ZFHX3: variants seen among roughly 807,000 people sequenced by gnomAD.
ZFHX3 encodes the protein zinc finger homeobox 3.
A neutral mutation model predicts 279.1 loss-of-function variants in ZFHX3; 42 were observed. The observed-to-expected ratio is 0.15, with a 90% CI of 0.12 to 0.19. The LOEUF is 0.19. Among genes scored for constraint, ZFHX3 ranks in the 10% least tolerant of loss-of-function variants. ZFHX3 has a pLI of 1.00. For synonymous variants in ZFHX3, 2,293 were observed against 1,957.8 expected (o/e 1.17, Z -4.52); for missense variants, 4,981 against 4,754.0 (o/e 1.05, Z -1.40).
chr16:73,434,610 GT>G (rs11300899), intron 3 of ZFHX3, among the ~76,000 whole-genome samples: 135,710 of 151,316 alleles, frequency 0.9, 60,851 homozygotes, highest in East Asian at 0.97. Flanking sequence ...TATGGATGGT[GT>G]TTTTTTTTTG....
In ZFHX3 at chr16:73,551,749, C is replaced by G. The variant is rs1045682361; in HGVS notation, c.-1546-95491G>C. Among the ~76,000 whole-genome samples, 9 of 152,314 alleles carry G rather than the reference C, an allele frequency of 5.9e-5. No homozygotes were observed. In the East Asian group the frequency reaches 1.7e-3, roughly 29 times the overall value. Reference sequence around the variant, plus strand: ...CTGGATAAATTAGAACATGTACCCACAGCCCACTTGATTACATCCTGTCCC... The same window carrying G: ...CTGGATAAATTAGAACATGTACCCAGAGCCCACTTGATTACATCCTGTCCC... On this transcript the variant is annotated intron_variant, in intron 2 of 17. Coordinates refer to the ZFHX3 transcript ENST00000641206.
chr16:73,159,567 G>A (rs1967177489), intron 5 of ZFHX3, among the ~76,000 whole-genome samples: 2 of 152,134 alleles, frequency 1.3e-5, no homozygotes, highest in South Asian at 4.2e-4. Context: ...GGCCACCAAA[G>A]GGAGGCCATT....
intron 1 of ZFHX3, among the ~76,000 whole-genome samples, chr16:72,971,023 G>A (rs1411228638): frequency 6.6e-6 from 1 of 152,182 alleles, no homozygotes; most frequent in Non-Finnish European, 1.5e-5. Context: ...ACCACTGGTA[G>A]GTAGTTTTTC....
intron 5 of ZFHX3, among the ~76,000 whole-genome samples, chr16:72,813,408 A>G (rs569043928): frequency 2.1e-4 from 32 of 152,238 alleles, no homozygotes; most frequent in Non-Finnish European, 3.7e-4. Flanking sequence ...TTACTTTAAT[A>G]AACAATTTTA....
intron 1 of ZFHX3, among the ~76,000 whole-genome samples, chr16:73,798,285 C>A (rs753526828): frequency 6.6e-6 from 1 of 151,366 alleles, no homozygotes; most frequent in Non-Finnish European, 1.5e-5. Flanking sequence ...GGTGGGGAGG[C>A]GGAATTCTCT....
chr16:72,822,418 C>T (rs1295696181), intron 5 of ZFHX3, among the ~76,000 whole-genome samples: 1 of 152,190 alleles, frequency 6.6e-6, no homozygotes, highest in East Asian at 1.9e-4. Context: ...CACCCGAGTT[C>T]CCAATCTGTG....
At chr16:73,720,184 C>T (rs1200002756) in intron 1 of ZFHX3, among the ~76,000 whole-genome samples, 1 of 152,198 alleles carries the variant, frequency 6.6e-6, no homozygotes, top group Non-Finnish European at 1.5e-5. Flanking sequence ...ACGACAATCT[C>T]TAGTGTGGAA....
chr16:73,222,232 C>T (rs546997155), intron 5 of ZFHX3, among the ~76,000 whole-genome samples: 1 of 152,054 alleles, frequency 6.6e-6, no homozygotes, highest in East Asian at 1.9e-4. Context: ...CAAAATTGTG[C>T]ATTTAAAGCA....
chr16:73,627,252 G>A (rs2142143410), intron 2 of ZFHX3, among the ~76,000 whole-genome samples: 1 of 152,294 alleles, frequency 6.6e-6, no homozygotes, highest in South Asian at 2.1e-4. Context: ...TTAGAACTTG[G>A]GGACAGAGAG....
chr16:72,976,534 A>C (rs1962355016), intron 1 of ZFHX3, among the ~76,000 whole-genome samples: 1 of 152,208 alleles, frequency 6.6e-6, no homozygotes, highest in African/African-American at 2.4e-5. Context: ...CTGTCGATAC[A>C]GACTCCTACG....
chr16:73,682,992 AAAGAAAGAAAGAAAGAAAG>A (rs202043428), intron 1 of ZFHX3, among the ~76,000 whole-genome samples: 6,071 of 18,398 alleles, frequency 0.33, 628 homozygotes, highest in East Asian at 0.48. Context: ...GAAAGAAAGA[AAAGAAAGAAAGAAAGAAAG>A]AGAAAGGAGG....
chr16:72,998,778 TTAACAATTA>T (rs1174537950), intron 1 of ZFHX3, among the ~76,000 whole-genome samples: 1 of 152,208 alleles, frequency 6.6e-6, no homozygotes, highest in Non-Finnish European at 1.5e-5. Flanking sequence ...TCCCACGGCA[TTAACAATTA>T]TATTTGGGTG....
rs758029895 is a variant in ZFHX3 at position 72,788,624 on chromosome 16, G to T, written c.9652C>A (p.Pro3218Thr). The T allele has an allele frequency of 9.3e-6, 15 of 1,613,164 alleles. No homozygotes were observed. The South Asian group carries it at 1.6e-4, about 18-fold the overall frequency. ...AGTGGGAGCTGTGGTGTGGGTGGCGGCTGGGCTGCTGGCGGCGGGGGAGGC... is the reference window on the plus strand; with the variant it reads ...AGTGGGAGCTGTGGTGTGGGTGGCGTCTGGGCTGCTGGCGGCGGGGGAGGC... ...QQPPPPPAAQ[P>T]PPTPQLPLQQ... Residue 3218 changes from proline (P) to threonine (T), a missense_variant, in exon 10 of 10, where the codon CCG becomes ACG. By Grantham distance (38) the Pro-to-Thr change is conservative. Transcript: ENST00000268489.
At chr16:73,839,358 A>T (rs1479769378) in intron 1 of ZFHX3, among the ~76,000 whole-genome samples, 2 of 141,166 alleles carry the variant, frequency 1.4e-5, no homozygotes, top group African/African-American at 5.5e-5. Flanking sequence ...AAAAAAAAAA[A>T]AAAAAAAAGT....
intron 1 of ZFHX3, among the ~76,000 whole-genome samples, chr16:73,721,765 C>G (rs149742728): frequency 6.6e-6 from 1 of 152,148 alleles, no homozygotes; most frequent in African/African-American, 2.4e-5. Context: ...CACTAGTGGG[C>G]CAGGCACAAT....
intron 4 of ZFHX3, among the ~76,000 whole-genome samples, chr16:73,265,532 A>C: frequency 6.6e-6 from 1 of 152,146 alleles, no homozygotes. Context: ...GAATAAGCTG[A>C]GATGCATTGA....
intron 2 of ZFHX3, among the ~76,000 whole-genome samples, chr16:73,675,120 G>A (rs1014089247): frequency 6.6e-6 from 1 of 152,104 alleles, no homozygotes; most frequent in African/African-American, 2.4e-5. Context: ...TTGAAAGTAA[G>A]CATTCCTTGC....
Position 72,796,369 on chromosome 16 carries a change from T to C in ZFHX3, c.6313A>G (p.Met2105Val). Residue 2105 changes from methionine to valine, a missense_variant, in exon 9 of 10, where the codon ATG (methionine) becomes GTG (valine). Coordinates refer to ENST00000268489, the MANE Select transcript of ZFHX3 (RefSeq NM_006885.4). Reference sequence around the variant, plus strand: ...TGAGCCGGCAAGGTCTGCAGCGGCATCGTCTGCATCATCAGCGGCGAGAAG... The same window carrying C: ...TGAGCCGGCAAGGTCTGCAGCGGCACCGTCTGCATCATCAGCGGCGAGAAG... ...PIFSPLMMQT[M>V]PLQTLPAQLP... The C allele has an allele frequency of 6.2e-7, 1 of 1,613,776 alleles. No homozygotes were observed. Among genetic ancestry groups the C allele is most frequent in the Non-Finnish European group, 8.5e-7 (1 of 1,179,988 alleles).
chr16:72,953,002 G>A (rs1474509739), intron 2 of ZFHX3, among the ~76,000 whole-genome samples: 1 of 152,124 alleles, frequency 6.6e-6, no homozygotes, highest in Non-Finnish European at 1.5e-5. Context: ...CAACTGATTA[G>A]AATCCAAGTC....
Sources: gnomAD v4.1 joint callset for allele counts (sites outside exome capture counted in the v4.1 genomes callset) on GRCh38, gnomAD v4.1.1 for gene constraint, MANE v1.5 for transcripts, NCBI Gene and HGNC (gene_info 2026-07-23, HGNC 2026-07-21) for gene names.